The following PCSK5 variants were observed in gnomAD, a reference collection of about 807,000 sequenced individuals.
PCSK5 encodes proprotein convertase subtilisin/kexin type 5.
PCSK5 carries 129 observed loss-of-function variants against 233.2 expected under a neutral mutation model. That is an observed-to-expected ratio of 0.55 (90% CI 0.48 to 0.64). The LOEUF is 0.64. Among genes scored for constraint, PCSK5 ranks in the 30% least tolerant of loss-of-function variants. The pLI is 0.00. For synonymous variants in PCSK5, 825 were observed against 879.2 expected, an observed-to-expected ratio of 0.94 and a Z score of 1.09; for missense variants, 2,076 against 2,430.1, an observed-to-expected ratio of 0.85 and a Z score of 3.06.
At chr9:75,957,314 T>C (rs1352661882) in intron 2 of PCSK5, among the ~76,000 whole-genome samples, 1 of 152,200 alleles carries the variant, frequency 6.6e-6, no homozygotes, top group East Asian at 1.9e-4. Context: ...GTGGGTGGTC[T>C]AGCGTGCCTT....
At chr9:76,239,886 C>A (rs1255727634) in intron 23 of PCSK5, among the ~76,000 whole-genome samples, 4 of 152,078 alleles carry the variant, frequency 2.6e-5, no homozygotes, top group Admixed American at 1.3e-4. Flanking sequence ...TTTGCCCATG[C>A]CTTGGTGTCT....
intron 32 of PCSK5, among the ~76,000 whole-genome samples, chr9:76,323,596 C>T (rs961522633): frequency 6.6e-6 from 1 of 152,162 alleles, no homozygotes; most frequent in African/African-American, 2.4e-5. Flanking sequence ...CTGCCTTGGG[C>T]TCCCAAAGTG....
At chr9:76,338,613 A>T (rs1382458665) in intron 35 of PCSK5, among the ~76,000 whole-genome samples, 166 bp downstream of exon 35, 1 of 151,568 alleles carries the variant, frequency 6.6e-6, no homozygotes, top group African/African-American at 2.4e-5. Context: ...CTTAACTTCC[A>T]CATCTTCCCT....
intron 1 of PCSK5, among the ~76,000 whole-genome samples, chr9:75,928,594 TAC>T (rs1187885433): frequency 4.2e-5 from 4 of 95,390 alleles, no homozygotes; most frequent in Non-Finnish European, 8.2e-5. Flanking sequence ...TACATATAAA[TAC>T]ATATATATAT....
chr9:75,990,130 G>A (rs960341523), intron 3 of PCSK5, among the ~76,000 whole-genome samples: 17 of 152,240 alleles, frequency 1.1e-4, no homozygotes, highest in Non-Finnish European at 2.1e-4. Context: ...GTATTGTTTG[G>A]CAGCACATCA....
At chr9:76,197,371 C>T (rs369430142) in intron 20 of PCSK5, among the ~76,000 whole-genome samples, 3 of 152,104 alleles carry the variant, frequency 2.0e-5, no homozygotes, top group Admixed American at 1.3e-4. Flanking sequence ...CATTATTTTC[C>T]GCTGAATAAG....
intron 24 of PCSK5, among the ~76,000 whole-genome samples, chr9:76,252,542 A>G (rs2131346809): frequency 6.6e-6 from 1 of 152,332 alleles, no homozygotes; most frequent in South Asian, 2.1e-4. Flanking sequence ...GGAGAGCTCT[A>G]CAGCAGCAAG....
intron 3 of PCSK5, among the ~76,000 whole-genome samples, chr9:76,014,015 C>A (rs1231103579): frequency 6.6e-6 from 1 of 151,224 alleles, no homozygotes; most frequent in Non-Finnish European, 1.5e-5. Context: ...CTTATCCAAG[C>A]CACACCACAT....
At chr9:76,278,193 A>G (rs2131382846) in intron 24 of PCSK5, among the ~76,000 whole-genome samples, 1 of 152,322 alleles carries the variant, frequency 6.6e-6, no homozygotes, top group Non-Finnish European at 1.5e-5. Context: ...GAGAGCCAAG[A>G]ATAACCCCAT....
chr9:75,938,034 C>T (rs563457309), intron 2 of PCSK5, among the ~76,000 whole-genome samples: 7 of 152,328 alleles, frequency 4.6e-5, no homozygotes, highest in African/African-American at 9.6e-5. Context: ...ATCATCTGTG[C>T]GTTCATGAGA....
chr9:75,987,764 G>A (rs1252954716), intron 3 of PCSK5, among the ~76,000 whole-genome samples: 5 of 152,224 alleles, frequency 3.3e-5, no homozygotes, highest in Non-Finnish European at 7.3e-5. Flanking sequence ...GTGAGCACTG[G>A]CAGGAGCTAA....
intron 9 of PCSK5, among the ~76,000 whole-genome samples, chr9:76,129,674 A>G (rs1822676992): frequency 6.6e-6 from 1 of 151,990 alleles, no homozygotes; most frequent in Non-Finnish European, 1.5e-5. Context: ...GCACTCACAC[A>G]TGAATTTCCC....
chr9:75,951,554 A>G (rs1225435525), intron 2 of PCSK5, among the ~76,000 whole-genome samples: 1 of 152,192 alleles, frequency 6.6e-6, no homozygotes, highest in East Asian at 1.9e-4. Flanking sequence ...AAAAGGATAG[A>G]CATAGAAAAA....
At chr9:76,093,254 G>A (rs545623284) in intron 7 of PCSK5, among the ~76,000 whole-genome samples, 8 of 151,456 alleles carry the variant, frequency 5.3e-5, no homozygotes, top group Admixed American at 1.3e-4. Context: ...ACCACCACCC[G>A]GCTATTTCTT....
intron 1 of PCSK5, among the ~76,000 whole-genome samples, chr9:75,893,533 T>C (rs1170116694): frequency 6.6e-6 from 1 of 152,218 alleles, no homozygotes; most frequent in Non-Finnish European, 1.5e-5. Context: ...CAGAAACAGC[T>C]GTTACCTTTC....
chr9:76,003,069 G>C (rs1827327652), intron 3 of PCSK5, among the ~76,000 whole-genome samples: 1 of 152,156 alleles, frequency 6.6e-6, no homozygotes, highest in Non-Finnish European at 1.5e-5. Context: ...ATGCCTTTGG[G>C]ACAAAGTGAT....
chr9:76,159,742 T>C lies in PCSK5; in HGVS notation c.1619+571T>C, dbSNP rs547089748. Among the ~76,000 whole-genome samples the C allele has an allele frequency of 2.0e-5, 3 of 151,600 alleles. No homozygotes were observed. In the South Asian group the frequency reaches 6.3e-4, roughly 32 times the overall value. ...GTGTGCCAAATCAAACTTCACTTACTGAGAGGCGCAGGCTAGATTTGGCCT... is the reference window on the plus strand; with the variant it reads ...GTGTGCCAAATCAAACTTCACTTACCGAGAGGCGCAGGCTAGATTTGGCCT... On this transcript the variant is annotated intron_variant, in intron 12 of 37. Transcript: ENST00000674117.
chr9:76,145,495 A>C (rs931653608), intron 10 of PCSK5, among the ~76,000 whole-genome samples: 1 of 152,184 alleles, frequency 6.6e-6, no homozygotes, highest in Non-Finnish European at 1.5e-5. Flanking sequence ...CATTTTTTCT[A>C]CCAAGGCATA....
intron 9 of PCSK5, among the ~76,000 whole-genome samples, chr9:76,126,510 G>A (rs1021035542): frequency 3.3e-5 from 5 of 152,166 alleles, no homozygotes; most frequent in Non-Finnish European, 7.3e-5. Flanking sequence ...CCACTCAGGA[G>A]GCTGAGGCAG....
Sources: allele counts gnomAD v4.1 joint callset (sites outside exome capture counted in the v4.1 genomes callset), GRCh38; gene constraint gnomAD v4.1.1; transcripts MANE v1.5; gene names NCBI Gene and HGNC (gene_info 2026-07-23, HGNC 2026-07-21).